The following ZC3H7B variants were observed in gnomAD, a reference collection of about 807,000 sequenced individuals.
ZC3H7B encodes the protein zinc finger CCCH-type containing 7B.
In ZC3H7B, 35 loss-of-function variants were observed where a neutral mutation model predicts 116.0. The ratio of observed to expected loss-of-function variants is 0.30; its 90% CI spans 0.23 to 0.40. ZC3H7B has a LOEUF of 0.40. ZC3H7B is among the 10% of genes least tolerant of loss of function. ZC3H7B has a pLI of 1.00. For missense variants in ZC3H7B, 1,011 were observed against 1,321.5 expected (o/e 0.77, Z 3.64); for synonymous variants, 502 against 545.6 (o/e 0.92, Z 1.11).
intron 1 of ZC3H7B, among the ~76,000 whole-genome samples, chr22:41,313,308 A>G (rs1311150839): frequency 6.6e-6 from 1 of 151,892 alleles, no homozygotes; most frequent in Non-Finnish European, 1.5e-5. Context: ...TTTAGTAGAG[A>G]TGGGGTTTCA....
Position 41,351,542 on chromosome 22 carries a change from C to T in ZC3H7B, c.1949-19C>T. On this transcript the variant is annotated intron_variant, in intron 16 of 22. Transcript: ENST00000352645. This position sits in a 1 kb window ranked among gnomAD's most constrained non-coding sequence, Gnocchi z 5.1. ...TGAGCACCTTGAAAGATGCCTGTGTCTGCCCCCACCCTCCCCAGGCATGAC... is the reference window on the plus strand; with the variant it reads ...TGAGCACCTTGAAAGATGCCTGTGTTTGCCCCCACCCTCCCCAGGCATGAC... The T allele has an allele frequency of 1.9e-6, 3 of 1,608,178 alleles. No homozygotes were observed. The highest frequency in any genetic ancestry group is 2.5e-6 in the Non-Finnish European group (3 of 1,177,286).
rs1331121696 is a variant in ZC3H7B, at chr22:41,339,111, C to A, written c.736C>A (p.Leu246Ile). ...GGCCCCCCTGGACAGCAGCAGGACC[C>A]TCCCCAGCACCGACAGCCTGGATGA... Reference protein sequence around the residue: ...LLAPLDSSRTLPSTDSLDDFS... With the variant: ...LLAPLDSSRTIPSTDSLDDFS... The change falls in exon 9 of 23, where the codon CTC (leucine) becomes ATC (isoleucine). Residue 246 changes from leucine to isoleucine, a missense_variant. Transcript: ENST00000352645. 3 of 1,612,770 alleles carry A rather than the reference C, an allele frequency of 1.9e-6. No homozygotes were observed. The highest frequency in any genetic ancestry group is 2.2e-5 in the East Asian group (1 of 44,858).
intron 1 of ZC3H7B, among the ~76,000 whole-genome samples, chr22:41,303,245 A>G (rs564684964): frequency 6.6e-6 from 1 of 152,304 alleles, no homozygotes; most frequent in East Asian, 1.9e-4. Flanking sequence ...GGAAGAAAGA[A>G]CCTGTCCAGG....
chr22:41,303,046 T>G (rs1353591197), intron 1 of ZC3H7B, among the ~76,000 whole-genome samples: 1 of 152,238 alleles, frequency 6.6e-6, no homozygotes, highest in Admixed American at 6.5e-5. Context: ...GCAACTGTGT[T>G]GGACACAAAA....
At position 41,356,634 on chromosome 22, in the gene ZC3H7B, T is replaced by C; in HGVS notation, c.2518-11T>C. 6.2e-7 allele frequency: 1 copy of C among 1,613,240 alleles called. No homozygotes were observed. Among genetic ancestry groups the C allele is most frequent in the Middle Eastern group, 1.7e-4 (1 of 6,056 alleles). On this transcript the variant is annotated splice_polypyrimidine_tract_variant and intron_variant, in intron 21 of 22. Transcript: ENST00000352645. Reference sequence around the variant, plus strand: ...TGGGGGAGCAGGCACCCATGATGGCTGTGCTCCCAGATGGGCTACCACTGC... The same window carrying C: ...TGGGGGAGCAGGCACCCATGATGGCCGTGCTCCCAGATGGGCTACCACTGC...
At chr22:41,325,974 C>T (rs1457614709) in intron 4 of ZC3H7B, 56 bp downstream of exon 4, 2 of 1,537,438 alleles carry the variant, frequency 1.3e-6, no homozygotes, top group Non-Finnish European at 1.8e-6. Flanking sequence ...CCCTGGATGC[C>T]CAGTCGAGCC....
chr22:41,356,298 T>A (rs917838845), intron 20 of ZC3H7B, 45 bp from the exon 21 acceptor site: 10 of 1,611,124 alleles, frequency 6.2e-6, no homozygotes, highest in Non-Finnish European at 6.8e-6. Context: ...GCAGAATGGA[T>A]GGAGAAGCCC....
chr22:41,319,285 T>C (rs561663751), intron 1 of ZC3H7B, among the ~76,000 whole-genome samples: 95 of 152,060 alleles, frequency 6.2e-4, no homozygotes, highest in South Asian at 1.2e-3. Context: ...CCTGTAGTCC[T>C]AGCTACTCAG....
chr22:41,341,115 C>T lies in ZC3H7B; in HGVS notation c.1166C>T (p.Pro389Leu). 2 of 1,613,900 alleles carry T rather than the reference C, an allele frequency of 1.2e-6. No homozygotes were observed. Among genetic ancestry groups the T allele is most frequent in the South Asian group, 1.1e-5 (1 of 91,058 alleles). Reference protein sequence around the residue: ...MEETNSQDHRPPSGAQKPAPS... With the variant: ...MEETNSQDHRLPSGAQKPAPS... The stretch of plus-strand genomic sequence containing the variant: ...GAGACCAACTCACAGGACCACCGTC[C>T]CCCTAGCGGTGCTCAGAAACCAGCC... Residue 389 changes from proline to leucine, a missense_variant, in exon 11 of 23, where the codon CCC becomes CTC. Coordinates refer to ENST00000352645, the MANE Select transcript of ZC3H7B (RefSeq NM_017590.6).
At chr22:41,345,935 G>A in intron 13 of ZC3H7B, 68 bp from the exon 14 acceptor site, 1 of 1,531,646 alleles carries the variant, frequency 6.5e-7, no homozygotes, top group Non-Finnish European at 9.0e-7. Flanking sequence ...GGCCGCAGCG[G>A]GGTGGCGAGG....
chr22:41,352,438 G>A (rs2036664206), intron 17 of ZC3H7B, among the ~76,000 whole-genome samples: 1 of 152,138 alleles, frequency 6.6e-6, no homozygotes, highest in Non-Finnish European at 1.5e-5. Context: ...TATACTTTCA[G>A]GGATCATTTC....
At chr22:41,353,202 G>T (rs147311164) in intron 17 of ZC3H7B, among the ~76,000 whole-genome samples, 3 of 152,248 alleles carry the variant, frequency 2.0e-5, no homozygotes, top group South Asian at 2.1e-4. Flanking sequence ...CCTGATCTTC[G>T]CCATGGTCCT....
intron 4 of ZC3H7B, 81 bp downstream of exon 4, chr22:41,325,999 G>A: frequency 1.3e-6 from 2 of 1,489,826 alleles, no homozygotes; most frequent in Non-Finnish European, 1.8e-6. Flanking sequence ...CCATACCCCA[G>A]TGAGCCTGTA....
chr22:41,342,393 G>T, intron 11 of ZC3H7B, 136 bp from the exon 12 acceptor site: 1 of 690,478 alleles, frequency 1.4e-6, no homozygotes. Flanking sequence ...GGAAGAGGAA[G>T]GGTCCTGGGC....
intron 20 of ZC3H7B, 85 bp downstream of exon 20, chr22:41,356,147 G>A (rs1036067710): frequency 1.5e-5 from 21 of 1,443,370 alleles, no homozygotes; most frequent in Non-Finnish European, 1.9e-5. Context: ...GCCCAAGAGC[G>A]TCCACTGCAC....
intron 2 of ZC3H7B, among the ~76,000 whole-genome samples, chr22:41,321,914 A>G (rs2036262146): frequency 7.9e-6 from 1 of 127,074 alleles, no homozygotes; most frequent in Non-Finnish European, 1.6e-5. Flanking sequence ...ATCTCGGCTC[A>G]CTGCAAGCTC....
intron 12 of ZC3H7B, among the ~76,000 whole-genome samples, chr22:41,342,941 G>T (rs2036540114): frequency 6.6e-6 from 1 of 152,224 alleles, no homozygotes; most frequent in Admixed American, 6.5e-5. Flanking sequence ...GTGAGGCTGA[G>T]GCAGGCAGAT....
chr22:41,345,937 G>T, intron 13 of ZC3H7B, 66 bp from the exon 14 acceptor site: 1 of 1,540,764 alleles, frequency 6.5e-7, no homozygotes, highest in Non-Finnish European at 9.0e-7. Context: ...CCGCAGCGGG[G>T]TGGCGAGGGT....
chr22:41,343,581 G>T lies in ZC3H7B; in HGVS notation c.1459+5G>T. 6.3e-7 allele frequency: 1 copy of T among 1,591,324 alleles called. No individual in the cohort carries two copies. The highest frequency in any genetic ancestry group is 8.6e-7 in the Non-Finnish European group (1 of 1,164,846). The stretch of plus-strand genomic sequence containing the variant: ...GCTCCTACTACCTGTGCAAAGGTGG[G>T]TGGGCTGCAGCGGGGCAGGCAGCAC... On this transcript the variant is annotated splice_donor_5th_base_variant and intron_variant, in intron 13 of 22. Coordinates refer to ENST00000352645, the MANE Select transcript of ZC3H7B (RefSeq NM_017590.6).
Sources: allele counts gnomAD v4.1 joint callset (sites outside exome capture counted in the v4.1 genomes callset), GRCh38; gene constraint gnomAD v4.1.1; non-coding constraint Gnocchi (gnomAD v3.1); transcripts MANE v1.5; gene names NCBI Gene and HGNC (gene_info 2026-07-23, HGNC 2026-07-21).